The following ANKRD35 variants were observed in gnomAD, a reference collection of about 807,000 sequenced individuals.
The protein encoded by ANKRD35 is ankyrin repeat domain 35.
ANKRD35 carries 102 observed loss-of-function variants against 109.9 expected under a neutral mutation model. The ratio of observed to expected loss-of-function variants is 0.93; its 90% CI spans 0.79 to 1.09. The LOEUF (loss-of-function observed/expected upper bound fraction) is 1.09. ANKRD35 is among the 50% of genes least tolerant of loss of function. The pLI is 0.00. For synonymous variants in ANKRD35, 515 were observed against 512.4 expected (o/e 1.01, Z -0.07); for missense variants, 1,240 against 1,230.1 (o/e 1.01, Z -0.12).
At chr1:145,877,653 T>A (rs1219570810) in intron 4 of ANKRD35, among the ~76,000 whole-genome samples, 2 of 152,140 alleles carry the variant, frequency 1.3e-5, no homozygotes, top group Non-Finnish European at 2.9e-5. Flanking sequence ...AGGGCTTTGG[T>A]TTAATTTGAA....
chr1:145,879,619 G>A (rs1160303138), intron 1 of ANKRD35, among the ~76,000 whole-genome samples: 3 of 151,752 alleles, frequency 2.0e-5, no homozygotes, highest in Non-Finnish European at 2.9e-5. Context: ...GAGCCAGAAG[G>A]ACCCTGGACC....
intron 2 of ANKRD35, 115 bp downstream of exon 2, chr1:145,879,143 A>G (rs1255800391): frequency 3.8e-6 from 5 of 1,314,536 alleles, no homozygotes; most frequent in Non-Finnish European, 5.0e-6. Context: ...TTGCTAATTA[A>G]GACAATGAAA....
chr1:145,878,056 G>A, intron 3 of ANKRD35, 24 bp from the exon 4 acceptor site: 1 of 1,610,318 alleles, frequency 6.2e-7, no homozygotes, highest in Non-Finnish European at 8.5e-7. Context: ...AAGGGGAGAA[G>A]GAGGGTAGGT....
chr1:145,881,860 A>T (rs1654298843), intron 1 of ANKRD35, among the ~76,000 whole-genome samples: 1 of 151,664 alleles, frequency 6.6e-6, no homozygotes, highest in East Asian at 1.9e-4. Flanking sequence ...AGTGGAAGGG[A>T]TCTTGCTGAT....
chr1:145,871,166 T>TTC (rs1653805423), intron 10 of ANKRD35, among the ~76,000 whole-genome samples: 1 of 120,634 alleles, frequency 8.3e-6, no homozygotes, highest in Non-Finnish European at 1.8e-5. Context: ...TTTTTTTTTT[T>TTC]TTTTTTTTTT....
Position 145,873,646 on chromosome 1 carries a change from T to A in ANKRD35, c.1123A>T (p.Lys375Ter), listed in dbSNP as rs1553739434. Residue 375 changes from lysine to a stop codon, truncating the protein, a stop_gained, in exon 10 of 14, where the codon AAG becomes TAG. Coordinates refer to ENST00000355594, the MANE Select transcript of ANKRD35 (RefSeq NM_144698.5). LOFTEE classifies it high-confidence loss of function. ...GGDGMEQGCP[K>*]DLLAESTQEL... ...TGTGTACTCTCAGCCAGCAGGTCCT[T>A]AGGACAACCCTGCTCCATGCCATCC... 1 of 1,614,092 alleles carries A rather than the reference T, an allele frequency of 6.2e-7. No homozygotes were observed. Among genetic ancestry groups the A allele is most frequent in the South Asian group, 1.1e-5 (1 of 91,084 alleles).
chr1:145,880,060 T>A lies in ANKRD35; in HGVS notation c.40-672A>T, dbSNP rs117176741. ...CAACAACAACCAAAAGGCAAAGAGG[T>A]TTCTAGTTATGTTTGAGGAAGCAGC... is the stretch of plus-strand genomic sequence containing the variant. On this transcript the variant is annotated intron_variant, in intron 1 of 13. Coordinates refer to ENST00000355594, the MANE Select transcript of ANKRD35 (RefSeq NM_144698.5). 7.1e-4 allele frequency among the ~76,000 whole-genome samples: 108 copies of A among 151,856 alleles called. No homozygotes were observed. In the East Asian group the frequency reaches 0.019, roughly 26 times the overall value.
At chr1:145,879,182 G>T in intron 2 of ANKRD35, 76 bp downstream of exon 2, 1 of 1,430,546 alleles carries the variant, frequency 7.0e-7, no homozygotes, top group Non-Finnish European at 9.2e-7. Context: ...GCATTCCCTG[G>T]TCCTATGTTA....
In ANKRD35 at chr1:145,873,084, G is replaced by A. The variant is rs782157539; in HGVS notation, c.1685C>T (p.Pro562Leu). Residue 562 changes from proline to leucine, a missense_variant, in exon 10 of 14, where the codon CCT becomes CTT. Transcript: ENST00000355594. Reference protein sequence around the residue: ...KAGLQVKPEVPSQESREGALK... With the variant: ...KAGLQVKPEVLSQESREGALK... ...GGCTCCCTCTCTGGACTCCTGGGAA[G>A]GAACCTCAGGTTTCACCTGTAGTCC... 1 of 1,612,816 alleles carries A rather than the reference G, an allele frequency of 6.2e-7. No individual in the cohort carries two copies. Among genetic ancestry groups the A allele is most frequent in the Non-Finnish European group, 8.5e-7 (1 of 1,179,388 alleles).
Position 145,873,064 on chromosome 1 carries a change from C to T in ANKRD35, c.1705G>A (p.Gly569Arg). 1.2e-6 allele frequency: 2 copies of T among 1,611,678 alleles called. No individual in the cohort carries two copies. Among genetic ancestry groups the T allele is most frequent in the Non-Finnish European group, 1.7e-6 (2 of 1,178,902 alleles). ...PEVPSQESRE[G>R]ALKAAPGSIK... ...CTCCCTGGGGCTGCCTTTAGGGCTC[C>T]CTCTCTGGACTCCTGGGAAGGAACC... The change falls in exon 10 of 14, where the codon GGA becomes AGA. Residue 569 changes from glycine to arginine, a missense_variant. Coordinates refer to ENST00000355594, the MANE Select transcript of ANKRD35 (RefSeq NM_144698.5).
rs1274104664 is a variant in ANKRD35, at chr1:145,872,252, C to A, written c.2517G>T (p.Arg839=). The A allele has an allele frequency of 1.2e-6, 2 of 1,611,566 alleles. No homozygotes were observed. Among genetic ancestry groups the A allele is most frequent in the South Asian group, 1.1e-5 (1 of 90,830 alleles). The change falls in exon 10 of 14, where the codon CGG becomes CGT. Residue 839 remains arginine, a synonymous_variant. Coordinates refer to ENST00000355594, the MANE Select transcript of ANKRD35 (RefSeq NM_144698.5). ...CCTGAGCCTGGGCCACCAGCGAACC[C>A]CGAGTTTTCTCGTGTTGCCGTAGGC... ...AASLRQHEKT[R]GSLVAQAQAW... is the part of the protein sequence containing the mutation.
At chr1:145,874,124 A>T in intron 9 of ANKRD35, 31 bp downstream of exon 9, 1 of 1,613,980 alleles carries the variant, frequency 6.2e-7, no homozygotes, top group Non-Finnish European at 8.5e-7. Flanking sequence ...GGTGTGTCAA[A>T]AGCAAAAGGG....
At chr1:145,871,946 TC>T (rs1653836474) in intron 10 of ANKRD35, 35 bp downstream of exon 10, 3 of 1,600,894 alleles carry the variant, frequency 1.9e-6, no homozygotes, top group African/African-American at 2.7e-5. Context: ...ACAGAAACTT[TC>T]CCCAGTGCTC....
chr1:145,885,678 C>T lies in ANKRD35; in HGVS notation c.39+42G>A, dbSNP rs782816002. 13 of 1,605,554 alleles carry T rather than the reference C, an allele frequency of 8.1e-6. No individual in the cohort carries two copies. The East Asian group carries it at 2.7e-4, about 33-fold the overall frequency. ...ACTAAAGACTTCTGTCACCACAGAGCTGGGATCCCAACCCCATCCTCCCAC... is the reference window on the plus strand; with the variant it reads ...ACTAAAGACTTCTGTCACCACAGAGTTGGGATCCCAACCCCATCCTCCCAC... On this transcript the variant is annotated intron_variant, in intron 1 of 13. Transcript: ENST00000355594.
rs1653940650 is a variant in ANKRD35, at chr1:145,873,650, A to G, written c.1119T>C (p.Cys373=). ...RPGGDGMEQG[C]PKDLLAESTQ... ...TACTCTCAGCCAGCAGGTCCTTAGGACAACCCTGCTCCATGCCATCCCCTC... is the reference window on the plus strand; with the variant it reads ...TACTCTCAGCCAGCAGGTCCTTAGGGCAACCCTGCTCCATGCCATCCCCTC... Residue 373 remains cysteine, a synonymous_variant, in exon 10 of 14, where the codon TGT becomes TGC. Coordinates refer to ENST00000355594, the MANE Select transcript of ANKRD35 (RefSeq NM_144698.5). 1 of 1,613,954 alleles carries G rather than the reference A, an allele frequency of 6.2e-7. No individual in the cohort carries two copies.
At position 145,873,940 on chromosome 1, in the gene ANKRD35, A is replaced by C. The variant is rs782797931; in HGVS notation, c.829T>G (p.Trp277Gly). Residue 277 changes from tryptophan to glycine, a missense_variant, in exon 10 of 14, where the codon TGG becomes GGG. Physicochemically the swap from Trp to Gly is radical, Grantham distance 184. Transcript: ENST00000355594. ...TGCTCCTCTTCAGGCTCTGCTCTCC[A>C]TGAGCTCTTAGGAGGAGAACCTGCC... ...PQAGSPPKSS[W>G]RAEPEEEQEE... is the part of the protein sequence containing the mutation. The C allele has an allele frequency of 6.2e-7, 1 of 1,614,112 alleles. No homozygotes were observed. The highest frequency in any genetic ancestry group is 1.1e-5 in the South Asian group (1 of 91,076).
intron 12 of ANKRD35, among the ~76,000 whole-genome samples, 200 bp downstream of exon 12, chr1:145,867,791 G>C (rs958665165): frequency 2.6e-5 from 4 of 152,118 alleles, no homozygotes; most frequent in Non-Finnish European, 5.9e-5. Context: ...TGAAACAGAG[G>C]GGGAAACACC....
In ANKRD35 at chr1:145,872,130, C is replaced by G. The variant is rs369524282; in HGVS notation, c.2639G>C (p.Arg880Pro). Residue 880 changes from arginine to proline, a missense_variant, in exon 10 of 14, where the codon CGG (arginine) becomes CCG (proline). Transcript: ENST00000355594. ...LREAVAEERR[R>P]SGDLAAQAAE... The stretch of plus-strand genomic sequence containing the variant: ...TGCCTGAGCGGCCAGGTCCCCGCTC[C>G]GGCGGCGCTCCTCGGCCACCGCCTC... 2.5e-6 allele frequency: 4 copies of G among 1,609,802 alleles called. No individual in the cohort carries two copies. The highest frequency in any genetic ancestry group is 3.4e-6 in the Non-Finnish European group (4 of 1,178,414).
At position 145,875,674 on chromosome 1, in the gene ANKRD35, G is replaced by A. The variant is rs587771011; in HGVS notation, c.560+466C>T. 1.1e-4 allele frequency among the ~76,000 whole-genome samples: 17 copies of A among 151,924 alleles called. No individual in the cohort carries two copies. In the South Asian group the frequency reaches 1.7e-3, roughly 15 times the overall value. ...TGCCATTCTCCTGCCTCAGCCTCCCGAGTAGCTGGGACTACAGGCACCCAC... is the reference window on the plus strand; with the variant it reads ...TGCCATTCTCCTGCCTCAGCCTCCCAAGTAGCTGGGACTACAGGCACCCAC... On this transcript the variant is annotated intron_variant, in intron 7 of 13. Coordinates refer to ENST00000355594, the MANE Select transcript of ANKRD35 (RefSeq NM_144698.5).
Sources: allele counts gnomAD v4.1 joint callset (sites outside exome capture counted in the v4.1 genomes callset), GRCh38; gene constraint gnomAD v4.1.1; transcripts MANE v1.5; gene names NCBI Gene and HGNC (gene_info 2026-07-23, HGNC 2026-07-21).